The following ANKFY1 variants were observed in gnomAD, a reference collection of about 807,000 sequenced individuals.
ANKFY1 encodes ankyrin repeat and FYVE domain-containing protein 1.
ANKFY1 carries 47 observed loss-of-function variants against 128.3 expected under a neutral mutation model. That is an observed-to-expected ratio of 0.37 (90% CI 0.29 to 0.47). ANKFY1 has a LOEUF of 0.47. ANKFY1 is among the 20% of genes least tolerant of loss of function. ANKFY1 has a pLI of 1.00. For missense variants in ANKFY1, 1,222 were observed against 1,510.6 expected (o/e 0.81, Z 3.17); for synonymous variants, 553 against 601.6 (o/e 0.92, Z 1.18).
rs1173713780 is a variant in ANKFY1, at chr17:4,182,380, T to C, written c.1953-31A>G. On this transcript the variant is annotated intron_variant, in intron 14 of 24. Transcript: ENST00000341657. ...AGGACATGCACACCCAAACCAACGT[T>C]TGTGGTTGAACCCAAAGCACAGAAG... The C allele has an allele frequency of 1.1e-5, 16 of 1,489,526 alleles. 1 individual carries two copies. The highest frequency in any genetic ancestry group is 7.1e-5 in the South Asian group (5 of 70,192). The allele number at this position is 1,489,526 out of a possible 1,614,324, so 92.3% of individuals were successfully genotyped here.
At chr17:4,241,311 G>C (rs978595391) in intron 2 of ANKFY1, among the ~76,000 whole-genome samples, 7 of 130,418 alleles carry the variant, frequency 5.4e-5, no homozygotes, top group African/African-American at 2.1e-4. Flanking sequence ...ATGGAGTCTC[G>C]CTCTGTCGCC....
intron 3 of ANKFY1, among the ~76,000 whole-genome samples, chr17:4,233,321 T>C (rs1292004123): frequency 6.6e-6 from 1 of 152,178 alleles, no homozygotes; most frequent in African/African-American, 2.4e-5. Flanking sequence ...TTCATAATTC[T>C]GTTATATATG....
chr17:4,224,572 T>C (rs1363376062), intron 3 of ANKFY1, among the ~76,000 whole-genome samples: 1 of 152,046 alleles, frequency 6.6e-6, no homozygotes, highest in Non-Finnish European at 1.5e-5. Flanking sequence ...AAAGGCAATA[T>C]GAGAGGAAGA....
At chr17:4,187,067 G>A (rs1030809202) in intron 11 of ANKFY1, 124 of 1,188,186 alleles carry the variant, frequency 1.0e-4, no homozygotes, top group Non-Finnish European at 1.3e-4. Flanking sequence ...TAAGTTCTTC[G>A]GTGGTGATTT....
chr17:4,193,280 G>T (rs1230907836), intron 10 of ANKFY1, among the ~76,000 whole-genome samples: 5 of 152,124 alleles, frequency 3.3e-5, no homozygotes, highest in Admixed American at 6.6e-5. Flanking sequence ...TTAAGAGAGA[G>T]AATCTTGCTC....
intron 4 of ANKFY1, among the ~76,000 whole-genome samples, chr17:4,212,276 A>G (rs1260446484): frequency 6.6e-6 from 1 of 152,250 alleles, no homozygotes; most frequent in African/African-American, 2.4e-5. Context: ...CCACAAAGGC[A>G]GAATGTGGTG....
intron 4 of ANKFY1, among the ~76,000 whole-genome samples, chr17:4,216,139 G>A (rs529725433): frequency 2.0e-5 from 3 of 152,336 alleles, no homozygotes; most frequent in African/African-American, 7.2e-5. Context: ...GCCCTCCTGG[G>A]AAAACACCAG....
At chr17:4,255,453 T>C (rs540499073) in intron 1 of ANKFY1, among the ~76,000 whole-genome samples, 1 of 152,282 alleles carries the variant, frequency 6.6e-6, no homozygotes, top group African/African-American at 2.4e-5. Context: ...TTTCGCCATG[T>C]TGGCCAGGCT....
intron 2 of ANKFY1, among the ~76,000 whole-genome samples, chr17:4,238,673 C>T (rs186229870): frequency 2.0e-5 from 3 of 151,902 alleles, no homozygotes; most frequent in African/African-American, 4.8e-5. Context: ...AGAGTTTCAC[C>T]GTGTTGGTCA....
At chr17:4,213,052 G>A (rs886782043) in intron 4 of ANKFY1, among the ~76,000 whole-genome samples, 1 of 152,128 alleles carries the variant, frequency 6.6e-6, no homozygotes, top group Non-Finnish European at 1.5e-5. Context: ...TGGGATTACA[G>A]GCGTGAGCCA....
chr17:4,174,944 G>T (rs1267609553), intron 19 of ANKFY1, among the ~76,000 whole-genome samples: 1 of 151,550 alleles, frequency 6.6e-6, no homozygotes, highest in Non-Finnish European at 1.5e-5. Flanking sequence ...GCCCAGACTG[G>T]TGTCAAACTC....
intron 1 of ANKFY1, among the ~76,000 whole-genome samples, chr17:4,261,629 C>T (rs560204778): frequency 6.6e-6 from 1 of 152,320 alleles, no homozygotes; most frequent in East Asian, 1.9e-4. Context: ...TCTCTCAAGG[C>T]GCTTGCCGGA....
chr17:4,212,641 C>G (rs1490430626), intron 4 of ANKFY1, among the ~76,000 whole-genome samples: 1 of 152,126 alleles, frequency 6.6e-6, no homozygotes, highest in Non-Finnish European at 1.5e-5. Context: ...CCATAACTAG[C>G]TAGCAGATAA....
At chr17:4,249,146 A>G in intron 1 of ANKFY1, 1 of 984,902 alleles carries the variant, frequency 1.0e-6, no homozygotes, top group Non-Finnish European at 1.2e-6. Context: ...TTTTTAGAAC[A>G]CTCTTCCTTC....
intron 11 of ANKFY1, among the ~76,000 whole-genome samples, chr17:4,185,724 G>C (rs2059599233): frequency 8.6e-6 from 1 of 116,694 alleles, no homozygotes; most frequent in Non-Finnish European, 1.9e-5. Context: ...ACCACCCTTC[G>C]CTTTGTTTTA....
At position 4,206,473 on chromosome 17, in the gene ANKFY1, A is replaced by T. The variant is rs1254921810; in HGVS notation, c.746T>A (p.Leu249Gln). 6.2e-7 allele frequency: 1 copy of T among 1,612,284 alleles called. No individual in the cohort carries two copies. Among genetic ancestry groups the T allele is most frequent in the Non-Finnish European group, 8.5e-7 (1 of 1,178,440 alleles). ...IEMDSQLPGK[L>Q]NEADHNGDLA... ...ATCTCCGTTATGATCCGCTTCATTC[A>T]GCTTCCCAGGGAGCTACACAAACAA... is the stretch of plus-strand genomic sequence containing the variant. Residue 249 changes from leucine (L) to glutamine (Q), a missense_variant, in exon 7 of 25, where the codon CTG becomes CAG. Physicochemically the swap from Leu to Gln is moderately radical, Grantham distance 113. Coordinates refer to ENST00000341657, the MANE Select transcript of ANKFY1 (RefSeq NM_001330063.2).
intron 3 of ANKFY1, chr17:4,222,825 AGTTCCCAAGG>A (rs2060349790): frequency 4.1e-6 from 4 of 969,594 alleles, no homozygotes; most frequent in Non-Finnish European, 6.8e-6. Context: ...TGCCAGCAGG[AGTTCCCAAGG>A]GTTGTCTCAG....
rs190578891 is a variant in ANKFY1 at position 4,169,989 on chromosome 17, T to C, written c.3287-701A>G. Among the ~76,000 whole-genome samples the C allele has an allele frequency of 6.6e-6, 1 of 152,280 alleles. No homozygotes were observed. The highest frequency in any genetic ancestry group is 2.4e-5 in the African/African-American group (1 of 41,544). On this transcript the variant is annotated intron_variant, in intron 23 of 24. Transcript: ENST00000341657. The surrounding 1 kb of genome is among the most constrained non-coding windows in gnomAD (Gnocchi z 5.0). ...AGTTCCTTCTGAGTAATGGGATGTG[T>C]GTGCTGCCGGCCCTGTGATGGGCAC...
At chr17:4,220,508 C>G (rs2060292657) in intron 3 of ANKFY1, among the ~76,000 whole-genome samples, 1 of 152,128 alleles carries the variant, frequency 6.6e-6, no homozygotes, top group Non-Finnish European at 1.5e-5. Context: ...GCAAACTTGC[C>G]CGGTTAATCT....
Sources: gnomAD v4.1 joint callset for allele counts (sites outside exome capture counted in the v4.1 genomes callset) on GRCh38, gnomAD v4.1.1 for gene constraint, Gnocchi (gnomAD v3.1) non-coding constraint, MANE v1.5 for transcripts, NCBI Gene and HGNC (gene_info 2026-07-23, HGNC 2026-07-21) for gene names.